The following ZXDC variants were observed in gnomAD, a reference collection of about 807,000 sequenced individuals.
The protein encoded by ZXDC is zinc finger protein ZXDC.
A neutral mutation model predicts 63.6 loss-of-function variants in ZXDC; 58 were observed. The observed-to-expected ratio is 0.91, with a 90% CI of 0.74 to 1.13. The LOEUF is 1.13. Among genes scored for constraint, ZXDC ranks in the 50% most tolerant of loss-of-function variants. The pLI is 0.00. For synonymous variants in ZXDC, 561 were observed against 496.1 expected, an observed-to-expected ratio of 1.13 and a Z score of -1.74; for missense variants, 1,133 against 1,148.9, an observed-to-expected ratio of 0.99 and a Z score of 0.20.
intron 9 of ZXDC, among the ~76,000 whole-genome samples, chr3:126,439,182 T>C (rs1247784635): frequency 1.3e-5 from 2 of 152,220 alleles, no homozygotes; most frequent in Non-Finnish European, 2.9e-5. Flanking sequence ...TTATTGTAAA[T>C]ATATAAACAC....
intron 8 of ZXDC, chr3:126,441,075 C>G: frequency 5.1e-6 from 5 of 985,584 alleles, no homozygotes; most frequent in Non-Finnish European, 6.0e-6. Context: ...CTTCTCTCCC[C>G]AAATCCTTCC....
chr3:126,459,845 CA>C (rs1184981819), intron 6 of ZXDC, 108 bp from the exon 7 acceptor site: 2 of 1,584,544 alleles, frequency 1.3e-6, no homozygotes, highest in Admixed American at 1.7e-5. Flanking sequence ...TCCGAGCTCC[CA>C]AAACCAGAGT....
At chr3:126,467,352 G>A (rs1175742695) in intron 4 of ZXDC, among the ~76,000 whole-genome samples, 1 of 152,144 alleles carries the variant, frequency 6.6e-6, no homozygotes, top group East Asian at 1.9e-4. Context: ...TCCTTTTTCT[G>A]TTCTGTGAAA....
At chr3:126,441,510 G>A in intron 8 of ZXDC, 2 of 1,268,518 alleles carry the variant, frequency 1.6e-6, no homozygotes, top group South Asian at 6.1e-5. Context: ...GCTGTGCACA[G>A]ACAGGTTCAG....
At chr3:126,472,964 GA>G (rs1935036036) in intron 1 of ZXDC, among the ~76,000 whole-genome samples, 2 of 152,176 alleles carry the variant, frequency 1.3e-5, no homozygotes, top group African/African-American at 4.8e-5. Context: ...CAACAGGGTG[GA>G]AAACATGAGG....
chr3:126,461,368 G>A (rs1000506226), intron 6 of ZXDC, 167 bp downstream of exon 6: 6 of 1,411,728 alleles, frequency 4.3e-6, no homozygotes, highest in Non-Finnish European at 5.5e-6. Flanking sequence ...GGGTTAAGGT[G>A]ATTTGTCAAG....
chr3:126,458,142 T>C (rs779360405), intron 7 of ZXDC, among the ~76,000 whole-genome samples: 4 of 152,076 alleles, frequency 2.6e-5, no homozygotes, highest in Non-Finnish European at 5.9e-5. Flanking sequence ...CAACTGAAAA[T>C]TTGAACATTT....
At chr3:126,465,162 GAGC>G (rs1287819628) in intron 5 of ZXDC, among the ~76,000 whole-genome samples, 1 of 152,222 alleles carries the variant, frequency 6.6e-6, no homozygotes, top group Non-Finnish European at 1.5e-5. Context: ...TCCACGGACT[GAGC>G]AGCAGAAGTA....
intron 6 of ZXDC, chr3:126,460,660 T>C (rs1934490168): frequency 1.0e-6 from 1 of 985,288 alleles, no homozygotes; most frequent in South Asian, 4.7e-5. Flanking sequence ...CCTAAGCAAA[T>C]GCCGGCAAGC....
intron 7 of ZXDC, chr3:126,451,974 T>C: frequency 1.0e-6 from 1 of 985,458 alleles, no homozygotes; most frequent in Middle Eastern, 5.2e-4. Context: ...CAGCTCTTCA[T>C]GCCTTAGAAA....
chr3:126,445,074 G>A lies in ZXDC; in HGVS notation c.2213-3128C>T, dbSNP rs79143436. On this transcript the variant is annotated intron_variant, in intron 7 of 9. Coordinates refer to ENST00000389709, the MANE Select transcript of ZXDC (RefSeq NM_025112.5). The stretch of plus-strand genomic sequence containing the variant: ...AATCACAGGAATTTCTTTTCAATCC[G>A]CACATTTAATTCAGTGTCTCAGGTA... 3.4e-3 allele frequency among the ~76,000 whole-genome samples: 516 copies of A among 152,106 alleles called. 1 individual carries two copies. Among genetic ancestry groups the A allele is most frequent in the African/African-American group, 0.011 (467 of 41,488 alleles).
intron 5 of ZXDC, among the ~76,000 whole-genome samples, chr3:126,463,528 A>C (rs558320090): frequency 6.6e-5 from 10 of 152,378 alleles, no homozygotes; most frequent in African/African-American, 1.9e-4. Flanking sequence ...TGCATAGGCA[A>C]GTTTAGGGTT....
At chr3:126,453,215 A>C (rs1934177391) in intron 7 of ZXDC, 1 of 985,172 alleles carries the variant, frequency 1.0e-6, no homozygotes, top group African/African-American at 1.7e-5. Flanking sequence ...ATTATCATAC[A>C]GTTAACATGA....
chr3:126,451,455 T>A, intron 7 of ZXDC: 1 of 985,458 alleles, frequency 1.0e-6, no homozygotes, highest in African/African-American at 1.7e-5. Context: ...TTCCTTGAGA[T>A]AAATTCAAAA....
chr3:126,459,621 T>C (rs370793702), intron 7 of ZXDC, 32 bp downstream of exon 7: 105 of 1,613,798 alleles, frequency 6.5e-5, no homozygotes, highest in Non-Finnish European at 8.7e-5. Flanking sequence ...CTCAGGCCCT[T>C]GCTCGTCCGG....
In ZXDC at chr3:126,462,216, G is replaced by T; in HGVS notation, c.1446C>A (p.Leu482=). ...MVRQHSRRQD[L]LPQLEAPSSL... ...AACTCGGAGCTTCTAGCTGAGGTAA[G>T]AGATCTGAAAAAAAAAGGAATACAC... Residue 482 remains leucine (L), a synonymous_variant, in exon 6 of 10, where the codon CTC becomes CTA. Coordinates refer to ENST00000389709, the MANE Select transcript of ZXDC (RefSeq NM_025112.5). 6.3e-7 allele frequency: 1 copy of T among 1,581,994 alleles called. No homozygotes were observed. Among genetic ancestry groups the T allele is most frequent in the South Asian group, 1.1e-5 (1 of 88,336 alleles).
At position 126,461,759 on chromosome 3, in the gene ZXDC, C is replaced by T. The variant is rs187280378; in HGVS notation, c.1903G>A (p.Ala635Thr). 7 of 1,614,088 alleles carry T rather than the reference C, an allele frequency of 4.3e-6. No homozygotes were observed. The Admixed American group carries it at 1.2e-4, about 27-fold the overall frequency. Residue 635 changes from alanine (A) to threonine (T), a missense_variant, in exon 6 of 10, where the codon GCA (alanine) becomes ACA (threonine). Coordinates refer to ENST00000389709, the MANE Select transcript of ZXDC (RefSeq NM_025112.5). ...GAAGAGGTCGGTGTGGTGATATGTGCTGCTAAGTTACTATTGGAGGTCAAA... is the reference window on the plus strand; with the variant it reads ...GAAGAGGTCGGTGTGGTGATATGTGTTGCTAAGTTACTATTGGAGGTCAAA... Reference protein sequence around the residue: ...LALTSNSNLAAHITTPTSSST... With the variant: ...LALTSNSNLATHITTPTSSST...
At chr3:126,458,874 G>A in intron 7 of ZXDC, 1 of 985,428 alleles carries the variant, frequency 1.0e-6, no homozygotes, top group African/African-American at 1.7e-5. Flanking sequence ...ATACACTATA[G>A]TGAAACACTG....
chr3:126,444,596 T>A (rs553195025), intron 7 of ZXDC, among the ~76,000 whole-genome samples: 1 of 152,168 alleles, frequency 6.6e-6, no homozygotes, highest in African/African-American at 2.4e-5. Context: ...CAGTGAATAG[T>A]GTATCTCTCC....
Sources: allele counts gnomAD v4.1 joint callset (sites outside exome capture counted in the v4.1 genomes callset), GRCh38; gene constraint gnomAD v4.1.1; transcripts MANE v1.5; gene names NCBI Gene and HGNC (gene_info 2026-07-23, HGNC 2026-07-21).